The following PCDHGB3 variants were observed in gnomAD, a reference collection of about 807,000 sequenced individuals.
PCDHGB3 encodes protocadherin gamma subfamily B, 3.
PCDHGB3 carries 40 observed loss-of-function variants against 59.2 expected under a neutral mutation model. The ratio of observed to expected loss-of-function variants is 0.68; its 90% CI spans 0.52 to 0.88. The LOEUF (loss-of-function observed/expected upper bound fraction) is 0.88. Ranked by LOEUF, PCDHGB3 falls within the 40% of genes least tolerant of loss-of-function variation. PCDHGB3 has a pLI of 0.00. For missense variants in PCDHGB3, 1,309 were observed against 1,187.9 expected (o/e 1.10, Z -1.50); for synonymous variants, 581 against 503.6 (o/e 1.15, Z -2.06).
rs748105196 is a variant in PCDHGB3 at position 141,486,849 on chromosome 5, A to G, written c.2416-7958A>G. ...GTTCGTCTATTTGTGCTGGACCTCA[A>G]TGACAATGCTCCAGCTGTGCTCCGT... is the stretch of plus-strand genomic sequence containing the variant. On this transcript the variant is annotated intron_variant, in intron 1 of 3. Coordinates refer to ENST00000576222, the MANE Select transcript of PCDHGB3 (RefSeq NM_018924.5). The surrounding 1 kb of genome is among the most constrained non-coding windows in gnomAD (Gnocchi z 5.0). 4.3e-6 allele frequency: 7 copies of G among 1,614,110 alleles called. No individual in the cohort carries two copies. The highest frequency in any genetic ancestry group is 5.1e-6 in the Non-Finnish European group (6 of 1,180,036).
At chr5:141,399,475 C>T (rs1561669837) in intron 1 of PCDHGB3, 1 of 1,614,022 alleles carries the variant, frequency 6.2e-7, no homozygotes. Context: ...GGTTTTCCAC[C>T]AGGCGTCCTA....
At chr5:141,454,997 A>G (rs2098809547) in intron 1 of PCDHGB3, among the ~76,000 whole-genome samples, 2 of 151,192 alleles carry the variant, frequency 1.3e-5, no homozygotes, top group Admixed American at 6.6e-5. Flanking sequence ...TATTTTTAGT[A>G]GAGACGGGGT....
At chr5:141,433,828 ACT>A (rs1431945413) in intron 1 of PCDHGB3, among the ~76,000 whole-genome samples, 2 of 142,254 alleles carry the variant, frequency 1.4e-5, no homozygotes, top group Admixed American at 7.0e-5. Flanking sequence ...CAAGAGTGAA[ACT>A]CTATCTCAAA....
At chr5:141,376,199 G>T in intron 1 of PCDHGB3, 3 of 1,614,162 alleles carry the variant, frequency 1.9e-6, no homozygotes, top group Non-Finnish European at 2.5e-6. Flanking sequence ...CGTCTTCCTG[G>T]CCTTCGTCAT....
At chr5:141,387,772 T>G in intron 1 of PCDHGB3, 1 of 1,442,780 alleles carries the variant, frequency 6.9e-7, no homozygotes, top group Non-Finnish European at 9.2e-7. Flanking sequence ...GAATTTTTTC[T>G]TGAACTGGAA....
At chr5:141,426,937 C>T in intron 1 of PCDHGB3, 1 of 456,736 alleles carries the variant, frequency 2.2e-6, no homozygotes, top group Non-Finnish European at 4.4e-6. Flanking sequence ...ATGGGTGACC[C>T]AGTCCCAACT....
intron 1 of PCDHGB3, chr5:141,408,303 G>T: frequency 1.2e-6 from 2 of 1,613,794 alleles, no homozygotes; most frequent in South Asian, 1.1e-5. Context: ...GAGCCGATCC[G>T]CTACTCGATT....
chr5:141,394,560 G>GGGCT, intron 1 of PCDHGB3: 2 of 1,614,118 alleles, frequency 1.2e-6, no homozygotes, highest in Non-Finnish European at 1.7e-6. Flanking sequence ...CCGCTCCGCA[G>GGGCT]AGCGTGGCTA....
Position 141,415,089 on chromosome 5 carries a change from C to T in PCDHGB3, c.2415+42280C>T, listed in dbSNP as rs1159857230. 1.9e-6 allele frequency: 3 copies of T among 1,613,556 alleles called. No individual in the cohort carries two copies. In the South Asian group the frequency reaches 3.3e-5, roughly 18 times the overall value. The stretch of plus-strand genomic sequence containing the variant: ...TGCGCACGGCGCGAGCCCTGCTGGA[C>T]AGAGACGCGCTCAAGCAAAGCCTCG... On this transcript the variant is annotated intron_variant, in intron 1 of 3. Coordinates refer to ENST00000576222, the MANE Select transcript of PCDHGB3 (RefSeq NM_018924.5).
chr5:141,492,851 C>T (rs1289268967), intron 1 of PCDHGB3, among the ~76,000 whole-genome samples: 2 of 152,204 alleles, frequency 1.3e-5, no homozygotes, highest in Non-Finnish European at 2.9e-5. Flanking sequence ...GTGAAAGCCT[C>T]GAGCGCCCTG....
rs150692324 is a variant in PCDHGB3 at position 141,431,149 on chromosome 5, G to T, written c.2415+58340G>T. 1.2e-6 allele frequency: 2 copies of T among 1,614,210 alleles called. No homozygotes were observed. Among genetic ancestry groups the T allele is most frequent in the Non-Finnish European group, 1.7e-6 (2 of 1,180,020 alleles). ...AAGTAAGGGACATTAACGACAATGC[G>T]CCTTACTTTCGTGAAAGTGAATTAG... On this transcript the variant is annotated intron_variant, in intron 1 of 3. Coordinates refer to ENST00000576222, the MANE Select transcript of PCDHGB3 (RefSeq NM_018924.5). This position sits in a 1 kb window ranked among gnomAD's most constrained non-coding sequence, Gnocchi z 4.8.
chr5:141,475,947 C>A, intron 1 of PCDHGB3: 1 of 748,120 alleles, frequency 1.3e-6, no homozygotes, highest in Non-Finnish European at 2.1e-6. Context: ...CGTCCCCTTT[C>A]TGCGCCCCGG....
chr5:141,463,532 T>C (rs1237301892), intron 1 of PCDHGB3, among the ~76,000 whole-genome samples: 2 of 133,692 alleles, frequency 1.5e-5, no homozygotes, highest in Non-Finnish European at 3.1e-5. Flanking sequence ...TACTAGAAAC[T>C]CCGGCTCCCG....
rs948944459 is a variant in PCDHGB3 at position 141,476,485 on chromosome 5, G to T, written c.2416-18322G>T. 1 of 1,614,076 alleles carries T rather than the reference G, an allele frequency of 6.2e-7. No individual in the cohort carries two copies. The highest frequency in any genetic ancestry group is 8.5e-7 in the Non-Finnish European group (1 of 1,180,016). ...CGCTGGAGCTGTTCAGCGTGGAAGT[G>T]GTGATCCAGGACATCAACGACAACA... is the stretch of plus-strand genomic sequence containing the variant. On this transcript the variant is annotated intron_variant, in intron 1 of 3. Coordinates refer to ENST00000576222, the MANE Select transcript of PCDHGB3 (RefSeq NM_018924.5). The surrounding 1 kb of genome is among the most constrained non-coding windows in gnomAD (Gnocchi z 7.6).
At chr5:141,389,655 G>A in intron 1 of PCDHGB3, 1 of 1,612,562 alleles carries the variant, frequency 6.2e-7, no homozygotes, top group South Asian at 1.1e-5. Flanking sequence ...CAAGGTAGTG[G>A]CGGTGGACGC....
At chr5:141,433,397 A>C (rs189987785) in intron 1 of PCDHGB3, among the ~76,000 whole-genome samples, 2 of 150,410 alleles carry the variant, frequency 1.3e-5, no homozygotes, top group African/African-American at 4.9e-5. Context: ...CTATCTATCT[A>C]TCTATCTATT....
In PCDHGB3 at chr5:141,477,531, C is replaced by T. The variant is rs1316982512; in HGVS notation, c.2416-17276C>T. 5 of 1,614,162 alleles carry T rather than the reference C, an allele frequency of 3.1e-6. No homozygotes were observed. Among genetic ancestry groups the T allele is most frequent in the Middle Eastern group, 1.6e-4 (1 of 6,062 alleles). On this transcript the variant is annotated intron_variant, in intron 1 of 3. Transcript: ENST00000576222. This position sits in a 1 kb window ranked among gnomAD's most constrained non-coding sequence, Gnocchi z 4.9. ...GTTTACATTGAAGAAAACAACCTCC[C>T]CGGGGCTCCAATACTAAACCTAAGT... is the stretch of plus-strand genomic sequence containing the variant.
intron 1 of PCDHGB3, among the ~76,000 whole-genome samples, chr5:141,451,788 A>C (rs531473040): frequency 6.6e-6 from 1 of 152,140 alleles, no homozygotes; most frequent in African/African-American, 2.4e-5. Flanking sequence ...GGCTGAGGCC[A>C]GAGAATTGCT....
Position 141,388,206 on chromosome 5 carries a change from G to C in PCDHGB3, c.2415+15397G>C. ...GCCAGCTTGTGCTCTGGAATTTGAGGCTGTTGCTGAAAATCCACTGAACTT... is the reference window on the plus strand; with the variant it reads ...GCCAGCTTGTGCTCTGGAATTTGAGCCTGTTGCTGAAAATCCACTGAACTT... On this transcript the variant is annotated intron_variant, in intron 1 of 3. Coordinates refer to ENST00000576222, the MANE Select transcript of PCDHGB3 (RefSeq NM_018924.5). 4 of 1,578,262 alleles carry C rather than the reference G, an allele frequency of 2.5e-6. No homozygotes were observed. In the South Asian group the frequency reaches 4.5e-5, roughly 18 times the overall value.
Sources: allele counts gnomAD v4.1 joint callset (sites outside exome capture counted in the v4.1 genomes callset), GRCh38; gene constraint gnomAD v4.1.1; non-coding constraint Gnocchi (gnomAD v3.1); transcripts MANE v1.5; gene names NCBI Gene and HGNC (gene_info 2026-07-23, HGNC 2026-07-21).